The following PPME1 variants were observed in gnomAD, a reference collection of about 807,000 sequenced individuals.
The protein encoded by PPME1 is protein phosphatase methylesterase 1.
In PPME1, 17 loss-of-function variants were observed where a neutral mutation model predicts 56.9. The observed-to-expected ratio is 0.30, with a 90% CI of 0.20 to 0.45. PPME1 has a LOEUF of 0.45. PPME1 is among the 20% of genes least tolerant of loss of function. The pLI is 1.00. For synonymous variants in PPME1, 122 were observed against 156.2 expected (o/e 0.78, Z 1.63); for missense variants, 357 against 483.2 (o/e 0.74, Z 2.45).
chr11:74,236,413 G>C (rs967001972), intron 8 of PPME1, among the ~76,000 whole-genome samples: 3 of 152,150 alleles, frequency 2.0e-5, no homozygotes, highest in African/African-American at 7.2e-5. Flanking sequence ...TAGCCCAATT[G>C]ATCTTTCCTG....
intron 8 of PPME1, among the ~76,000 whole-genome samples, chr11:74,237,583 C>CT (rs34476332): frequency 2.0e-4 from 30 of 150,338 alleles, no homozygotes; most frequent in Non-Finnish European, 3.4e-4. Flanking sequence ...CCAATTGTCT[C>CT]TTTTTTTTTA....
intron 4 of PPME1, among the ~76,000 whole-genome samples, chr11:74,224,870 T>C (rs573929595): frequency 3.3e-5 from 5 of 150,516 alleles, no homozygotes; most frequent in Admixed American, 2.7e-4. Context: ...TTTCTAGATA[T>C]ACAATCATGT....
chr11:74,222,441 A>C, intron 4 of PPME1, 72 bp downstream of exon 4: 1 of 1,316,002 alleles, frequency 7.6e-7, no homozygotes. Flanking sequence ...TGTAACTATT[A>C]GAAATTTCAA....
intron 4 of PPME1, 58 bp downstream of exon 4, chr11:74,222,427 T>C: frequency 7.2e-7 from 1 of 1,391,028 alleles, no homozygotes; most frequent in Non-Finnish European, 1.0e-6. Flanking sequence ...CCCCTTTGAA[T>C]AGTTGTAACT....
At chr11:74,215,186 A>C (rs1722155511) in intron 3 of PPME1, among the ~76,000 whole-genome samples, 2 of 152,132 alleles carry the variant, frequency 1.3e-5, no homozygotes, top group Admixed American at 6.5e-5. Flanking sequence ...TCTCTACAAC[A>C]AAAAATTGAC....
intron 7 of PPME1, among the ~76,000 whole-genome samples, 199 bp downstream of exon 7, chr11:74,231,201 G>T (rs972818028): frequency 6.6e-6 from 1 of 152,090 alleles, no homozygotes; most frequent in Admixed American, 6.5e-5. Flanking sequence ...AAGACTACAG[G>T]TACACACCAC....
At chr11:74,193,459 C>G (rs1249062602) in intron 1 of PPME1, among the ~76,000 whole-genome samples, 1 of 152,198 alleles carries the variant, frequency 6.6e-6, no homozygotes, top group African/African-American at 2.4e-5. Flanking sequence ...TGTGTATATG[C>G]AGATAATCCA....
intron 1 of PPME1, among the ~76,000 whole-genome samples, 176 bp from the exon 2 acceptor site, chr11:74,203,552 T>C (rs1331710067): frequency 6.6e-6 from 1 of 152,238 alleles, no homozygotes; most frequent in Non-Finnish European, 1.5e-5. Flanking sequence ...CATTATTATG[T>C]AATACAATAC....
chr11:74,206,875 GA>G (rs1252811290), intron 3 of PPME1, among the ~76,000 whole-genome samples: 1 of 152,040 alleles, frequency 6.6e-6, no homozygotes, highest in Non-Finnish European at 1.5e-5. Flanking sequence ...CCTTCAATAA[GA>G]AAAAAACCAG....
chr11:74,220,727 C>T (rs1858775911), intron 3 of PPME1, among the ~76,000 whole-genome samples: 1 of 152,208 alleles, frequency 6.6e-6, no homozygotes, highest in Non-Finnish European at 1.5e-5. Flanking sequence ...GCTATTGTTG[C>T]AGTTATTGCT....
At chr11:74,179,346 C>G (rs1042391123) in intron 1 of PPME1, among the ~76,000 whole-genome samples, 5 of 152,128 alleles carry the variant, frequency 3.3e-5, no homozygotes, top group African/African-American at 1.2e-4. Flanking sequence ...CAAAACAAAA[C>G]AACCAGGCAT....
Position 74,232,782 on chromosome 11 carries a change from C to T in PPME1, c.644+1780C>T, listed in dbSNP as rs1301399062. ...GCAGCCTTGACCTTCTGGGCTCAAG[C>T]GATCCTCCTGCCTCAGCCACCCAAG... On this transcript the variant is annotated intron_variant, in intron 7 of 13. Transcript: ENST00000328257. Among the ~76,000 whole-genome samples the T allele has an allele frequency of 4.0e-5, 6 of 150,788 alleles. No individual in the cohort carries two copies. The East Asian group carries it at 9.8e-4, about 25-fold the overall frequency.
Position 74,207,981 on chromosome 11 carries a change from A to G in PPME1, c.288+3536A>G, listed in dbSNP as rs373211190. Among the ~76,000 whole-genome samples, 9 of 152,290 alleles carry G rather than the reference A, an allele frequency of 5.9e-5. No homozygotes were observed. The South Asian group carries it at 1.9e-3, about 32-fold the overall frequency. Reference sequence around the variant, plus strand: ...AGCAAATATTTACTGAGTATATTCTATATCCCAAGCTTTGTGCTGAGTCAC... The same window carrying G: ...AGCAAATATTTACTGAGTATATTCTGTATCCCAAGCTTTGTGCTGAGTCAC... On this transcript the variant is annotated intron_variant, in intron 3 of 13. Transcript: ENST00000328257.
chr11:74,237,981 A>C (rs1033708161), intron 8 of PPME1: 2 of 152,156 alleles, frequency 1.3e-5, no homozygotes, highest in African/African-American at 4.8e-5. Flanking sequence ...GTGATTTTAA[A>C]ATTTTATTTC....
intron 8 of PPME1, among the ~76,000 whole-genome samples, chr11:74,236,255 A>T (rs1438323759): frequency 6.6e-6 from 1 of 152,162 alleles, no homozygotes; most frequent in Non-Finnish European, 1.5e-5. Flanking sequence ...TAGACATTAC[A>T]AATTATGTTA....
At chr11:74,223,929 CA>C (rs1591051220) in intron 4 of PPME1, among the ~76,000 whole-genome samples, 1 of 150,176 alleles carries the variant, frequency 6.7e-6, no homozygotes, top group Non-Finnish European at 1.5e-5. Context: ...TTTTGCTGTG[CA>C]GAAGCTCTTT....
At chr11:74,199,757 A>G (rs1858098476) in intron 1 of PPME1, among the ~76,000 whole-genome samples, 2 of 152,254 alleles carry the variant, frequency 1.3e-5, no homozygotes, top group Admixed American at 6.5e-5. Flanking sequence ...ACAGTTCCAC[A>G]TGGCTGGGGA....
chr11:74,174,187 G>C (rs1003338095), intron 1 of PPME1, among the ~76,000 whole-genome samples: 3 of 152,118 alleles, frequency 2.0e-5, no homozygotes, highest in African/African-American at 4.8e-5. Context: ...TTCTATAAGG[G>C]AATGTATTAA....
rs1162581941 is a variant in PPME1, at chr11:74,253,710, G to A, written c.*200G>A. The A allele has an allele frequency of 4.7e-6, 3 of 636,348 alleles. No homozygotes were observed. The highest frequency in any genetic ancestry group is 1.9e-5 in the South Asian group (1 of 53,242). The allele number at this position is 636,348 out of a possible 1,614,324, so 39.4% of individuals were successfully genotyped here. A position where few individuals can be genotyped will look rare whatever the true frequency, so the allele number is the denominator to read the frequency against. ...TTTTCCAGGGCCCTTGACCAACATC[G>A]GCTTCCCCAGTCCAGGGCTCCCCTG... On this transcript the variant is annotated 3_prime_UTR_variant, in exon 14 of 14. Coordinates refer to ENST00000328257, the MANE Select transcript of PPME1 (RefSeq NM_016147.3).
Sources: allele counts gnomAD v4.1 joint callset (sites outside exome capture counted in the v4.1 genomes callset), GRCh38; gene constraint gnomAD v4.1.1; transcripts MANE v1.5; gene names NCBI Gene and HGNC (gene_info 2026-07-23, HGNC 2026-07-21).